The following KDM4C variants were observed in gnomAD, a reference collection of about 807,000 sequenced individuals.
The protein encoded by KDM4C is lysine demethylase 4C, also known as lysine-specific demethylase 4C.
Under a neutral mutation model 129.3 loss-of-function variants are expected in KDM4C, and 81 were observed. The ratio of observed to expected loss-of-function variants is 0.63; its 90% CI spans 0.52 to 0.75. The LOEUF is 0.75. KDM4C is among the 30% of genes least tolerant of loss of function. The pLI, the probability that KDM4C is intolerant of heterozygous loss-of-function variation, is 0.00. For missense variants in KDM4C, 1,457 were observed against 1,304.0 expected (o/e 1.12, Z -1.81); for synonymous variants, 573 against 456.1 (o/e 1.26, Z -3.26).
At chr9:6,745,456 G>A (rs191368643) in intron 1 of KDM4C, among the ~76,000 whole-genome samples, 2 of 151,782 alleles carry the variant, frequency 1.3e-5, no homozygotes, top group Admixed American at 1.3e-4. Context: ...AAATTCGCTG[G>A]TGTGCTGTTG....
At chr9:7,084,793 T>C (rs1834923894) in intron 17 of KDM4C, among the ~76,000 whole-genome samples, 1 of 152,212 alleles carries the variant, frequency 6.6e-6, no homozygotes, top group Non-Finnish European at 1.5e-5. Flanking sequence ...AAATATTGAA[T>C]GGGCACTTAC....
At chr9:6,950,065 G>A (rs1210976124) in intron 8 of KDM4C, among the ~76,000 whole-genome samples, 1 of 122,662 alleles carries the variant, frequency 8.2e-6, no homozygotes, top group Non-Finnish European at 1.6e-5. Context: ...TTTTGGTGGA[G>A]TATCTTTTCT....
At chr9:6,895,864 T>C (rs1421808664) in intron 8 of KDM4C, among the ~76,000 whole-genome samples, 1 of 152,252 alleles carries the variant, frequency 6.6e-6, no homozygotes, top group Non-Finnish European at 1.5e-5. Flanking sequence ...TAAAATATCA[T>C]GTGCTTTCTT....
intron 5 of KDM4C, among the ~76,000 whole-genome samples, chr9:6,863,605 G>T (rs1177876775): frequency 1.3e-5 from 2 of 151,934 alleles, no homozygotes; most frequent in Admixed American, 1.3e-4. Flanking sequence ...GACCATCCTG[G>T]CTAACACGGT....
At chr9:6,919,304 A>G (rs1160205841) in intron 8 of KDM4C, among the ~76,000 whole-genome samples, 1 of 66,094 alleles carries the variant, frequency 1.5e-5, no homozygotes, top group African/African-American at 5.5e-5. Flanking sequence ...TCTTTCTTTC[A>G]TTGAGATTTT....
At chr9:7,080,401 T>TA (rs1290693550) in intron 17 of KDM4C, among the ~76,000 whole-genome samples, 4 of 152,214 alleles carry the variant, frequency 2.6e-5, no homozygotes, top group African/African-American at 9.6e-5. Context: ...CCAGTACTGT[T>TA]ATCTGAGCAA....
chr9:6,757,764 C>T, upstream of KDM4C: 1 of 985,602 alleles, frequency 1.0e-6, no homozygotes, highest in Non-Finnish European at 1.2e-6. Flanking sequence ...TCCTTCTACG[C>T]GAGTATCTTT....
chr9:6,940,047 C>G (rs111249091), intron 8 of KDM4C, among the ~76,000 whole-genome samples: 6 of 74,256 alleles, frequency 8.1e-5, no homozygotes, highest in Middle Eastern at 7.8e-3. Flanking sequence ...CCTTCCTTCC[C>G]TCCTTCCCTC....
At chr9:6,903,840 T>G (rs1196956764) in intron 8 of KDM4C, among the ~76,000 whole-genome samples, 2 of 152,210 alleles carry the variant, frequency 1.3e-5, no homozygotes, top group African/African-American at 4.8e-5. Context: ...ATTGTATATC[T>G]CTTAAAATAT....
At chr9:6,808,422 G>A (rs10975838) in intron 3 of KDM4C, among the ~76,000 whole-genome samples, 1 of 101,146 alleles carries the variant, frequency 9.9e-6, no homozygotes, top group Admixed American at 1.1e-4. Flanking sequence ...TGAAACATGT[G>A]CTGTGTCCAC....
chr9:6,923,151 C>T (rs59139150), intron 8 of KDM4C, among the ~76,000 whole-genome samples: 12,325 of 152,108 alleles, frequency 0.081, 1,385 homozygotes, highest in African/African-American at 0.25. Context: ...CTGCCTCCTC[C>T]CCACTTCACC....
chr9:7,093,847 A>G lies in KDM4C; in HGVS notation c.2425-9838A>G, dbSNP rs1024407735. The stretch of plus-strand genomic sequence containing the variant: ...TGGATCTGAAGGTAGAGGGGAGGGA[A>G]GTTGAGGAATTTCATTCCCCGTGAC... On this transcript the variant is annotated intron_variant, in intron 17 of 21. Transcript: ENST00000381309. Among the ~76,000 whole-genome samples, 8 of 152,314 alleles carry G rather than the reference A, an allele frequency of 5.3e-5. No individual in the cohort carries two copies. In the South Asian group the frequency reaches 1.2e-3, roughly 24 times the overall value.
chr9:7,008,037 G>C (rs940297970), intron 12 of KDM4C, among the ~76,000 whole-genome samples: 9 of 152,108 alleles, frequency 5.9e-5, no homozygotes, highest in Non-Finnish European at 1.2e-4. Flanking sequence ...TGGCACCTGA[G>C]TATAGCACAG....
At chr9:6,741,988 T>C (rs1014705197) in intron 1 of KDM4C, among the ~76,000 whole-genome samples, 4 of 152,066 alleles carry the variant, frequency 2.6e-5, no homozygotes, top group African/African-American at 9.7e-5. Context: ...TAATTTTTTT[T>C]TGGAGACGGA....
intron 1 of KDM4C, chr9:6,726,657 C>G (rs1817142112): frequency 6.6e-6 from 1 of 152,308 alleles, no homozygotes; most frequent in Admixed American, 6.5e-5. Flanking sequence ...CCAAGGTTAC[C>G]TCCCAAGGTG....
At chr9:7,159,541 T>C (rs1463505039) in intron 19 of KDM4C, among the ~76,000 whole-genome samples, 1 of 152,338 alleles carries the variant, frequency 6.6e-6, no homozygotes, top group Non-Finnish European at 1.5e-5. Flanking sequence ...TGACAAAATC[T>C]CTCAGCATTT....
At chr9:6,891,177 G>A (rs896441515) in intron 7 of KDM4C, among the ~76,000 whole-genome samples, 1 of 152,118 alleles carries the variant, frequency 6.6e-6, no homozygotes, top group South Asian at 2.1e-4. Flanking sequence ...ATGAGGGAGC[G>A]CTCTTGGGTG....
intron 15 of KDM4C, among the ~76,000 whole-genome samples, chr9:7,026,301 G>A (rs1157140432): frequency 6.6e-6 from 1 of 151,878 alleles, no homozygotes; most frequent in Non-Finnish European, 1.5e-5. Context: ...GTTTGTCTGG[G>A]AAAGTCTTTT....
intron 15 of KDM4C, among the ~76,000 whole-genome samples, chr9:7,035,261 G>A (rs998392320): frequency 6.8e-6 from 1 of 147,908 alleles, no homozygotes; most frequent in Non-Finnish European, 1.5e-5. Context: ...TGATCCTCCC[G>A]CCTTGGCCTC....
Sources: allele counts gnomAD v4.1 joint callset (sites outside exome capture counted in the v4.1 genomes callset), GRCh38; gene constraint gnomAD v4.1.1; transcripts MANE v1.5; gene names NCBI Gene and HGNC (gene_info 2026-07-23, HGNC 2026-07-21).